The following NSUN5 variants were observed in gnomAD, a reference collection of about 807,000 sequenced individuals.
NSUN5 encodes 28S rRNA (cytosine-C(5))-methyltransferase.
In NSUN5, 39 loss-of-function variants were observed where a neutral mutation model predicts 51.1. The observed-to-expected ratio is 0.76, with a 90% confidence interval of 0.59 to 1.00. The LOEUF (loss-of-function observed/expected upper bound fraction) is 1.00, where lower values mean the gene tolerates loss of function less well. NSUN5 is among the 50% of genes least tolerant of loss of function. The pLI is 0.00. For synonymous variants in NSUN5, 266 were observed against 271.5 expected, an observed-to-expected ratio of 0.98 and a Z score of 0.20; for missense variants, 526 against 614.0, an observed-to-expected ratio of 0.86 and a Z score of 1.51.
At position 73,308,816 on chromosome 7, in the gene NSUN5, T is replaced by G. The variant is rs781805607; in HGVS notation, c.-26A>C. ...GTTCCCGCGCGCCTTTACGGCTCTGTGGCAAAACGCACCCGGCTCGGCGCC... is the reference window on the plus strand; with the variant it reads ...GTTCCCGCGCGCCTTTACGGCTCTGGGGCAAAACGCACCCGGCTCGGCGCC... On this transcript the variant is annotated 5_prime_UTR_variant, in exon 1 of 10. Coordinates refer to ENST00000438747, the MANE Select transcript of NSUN5 (RefSeq NM_148956.4). 12 of 1,604,762 alleles carry G rather than the reference T, an allele frequency of 7.5e-6. No individual in the cohort carries two copies. The South Asian group carries it at 8.8e-5, about 12-fold the overall frequency.
In NSUN5 at chr7:73,305,088, G is replaced by T; in HGVS notation, c.510C>A (p.Asp170Glu). 1.1e-5 allele frequency: 17 copies of T among 1,610,078 alleles called. No individual in the cohort carries two copies. Among genetic ancestry groups the T allele is most frequent in the Non-Finnish European group, 1.4e-5 (16 of 1,177,620 alleles). The change falls in exon 5 of 10, where the codon GAC becomes GAA. Residue 170 changes from aspartate (D) to glutamate (E), a missense_variant. Coordinates refer to ENST00000438747, the MANE Select transcript of NSUN5 (RefSeq NM_148956.4). Reference protein sequence around the residue: ...SYQGRASSLDDLRALKGKHFL... With the variant: ...SYQGRASSLDELRALKGKHFL... ...AATGCTTCCCCTTGAGGGCTCGTAA[G>T]TCATCGAGGCTGCCAGGGAAGAACC...
chr7:73,308,797 G>C lies in NSUN5; in HGVS notation c.-7C>G, dbSNP rs782731164. 5.0e-6 allele frequency: 8 copies of C among 1,612,464 alleles called. No individual in the cohort carries two copies. The highest frequency in any genetic ancestry group is 6.8e-6 in the Non-Finnish European group (8 of 1,179,308). ...CTGCAGCATACAGCCCCATGTTCCCGCGCGCCTTTACGGCTCTGTGGCAAA... is the reference window on the plus strand; with the variant it reads ...CTGCAGCATACAGCCCCATGTTCCCCCGCGCCTTTACGGCTCTGTGGCAAA... On this transcript the variant is annotated 5_prime_UTR_variant, in exon 1 of 10. Coordinates refer to ENST00000438747, the MANE Select transcript of NSUN5 (RefSeq NM_148956.4).
chr7:73,308,770 A>C lies in NSUN5; in HGVS notation c.21T>G (p.Ala7=), dbSNP rs1554542413. Residue 7 remains alanine, a synonymous_variant, in exon 1 of 10, where the codon GCT becomes GCG. Transcript: ENST00000438747. MGLYAA[A]AGVLAGVESR... The stretch of plus-strand genomic sequence containing the variant: ...TCTCCACGCCGGCCAACACGCCTGC[A>C]GCTGCAGCATACAGCCCCATGTTCC... 1.9e-6 allele frequency: 3 copies of C among 1,613,068 alleles called. No homozygotes were observed. The highest frequency in any genetic ancestry group is 1.7e-5 in the Admixed American group (1 of 60,022).
intron 2 of NSUN5, 65 bp downstream of exon 2, chr7:73,308,366 G>A: frequency 3.9e-6 from 6 of 1,533,766 alleles, no homozygotes; most frequent in Non-Finnish European, 5.3e-6. Context: ...CGGCAGCAGA[G>A]CTGAGACCAG....
At chr7:73,307,299 G>A (rs1554541928) in intron 4 of NSUN5, 95 bp downstream of exon 4, 3 of 878,786 alleles carry the variant, frequency 3.4e-6, no homozygotes, top group East Asian at 4.9e-5. Flanking sequence ...TAGGAAGAAA[G>A]CCCAGAGAGC....
intron 4 of NSUN5, among the ~76,000 whole-genome samples, chr7:73,306,241 G>T (rs1388044773): frequency 6.6e-6 from 1 of 151,684 alleles, no homozygotes; most frequent in Non-Finnish European, 1.5e-5. Context: ...AAAATTAGCC[G>T]GGCGTGGTGC....
intron 4 of NSUN5, among the ~76,000 whole-genome samples, chr7:73,305,375 A>G (rs1803997922): frequency 6.6e-6 from 1 of 152,206 alleles, no homozygotes; most frequent in South Asian, 2.1e-4. Flanking sequence ...TGGGGATTCA[A>G]TGAGCCAATA....
chr7:73,304,640 G>A, intron 6 of NSUN5, 107 bp downstream of exon 6: 1 of 1,039,532 alleles, frequency 9.6e-7, no homozygotes, highest in Non-Finnish European at 1.5e-6. Context: ...GAACTGCTTT[G>A]GTGCAGCAAG....
At chr7:73,308,655 T>C (rs1563293703) in intron 1 of NSUN5, 43 bp downstream of exon 1, 1 of 592,012 alleles carries the variant, frequency 1.7e-6, no homozygotes, top group East Asian at 6.5e-5. Flanking sequence ...CCACCCCGGG[T>C]TCCTCACTCC....
Position 73,303,725 on chromosome 7 carries a change from C to A in NSUN5, c.1161G>T (p.Leu387=), listed in dbSNP as rs1554541173. The part of the protein sequence containing the change: ...NPGAFRLAPA[L]PAWPHRGLST... ...TCAGGCCTCGGTGGGGCCAGGCAGG[C>A]AGGGCGGGAGCTAGCCTGCAAGAGA... The change falls in exon 9 of 10, where the codon CTG becomes CTT. Residue 387 remains leucine, a synonymous_variant. Coordinates refer to ENST00000438747, the MANE Select transcript of NSUN5 (RefSeq NM_148956.4). The A allele has an allele frequency of 6.2e-7, 1 of 1,613,952 alleles. No individual in the cohort carries two copies. The highest frequency in any genetic ancestry group is 8.5e-7 in the Non-Finnish European group (1 of 1,179,992).
chr7:73,307,886 G>T, intron 2 of NSUN5, 129 bp from the exon 3 acceptor site: 1 of 830,552 alleles, frequency 1.2e-6, no homozygotes, highest in Non-Finnish European at 1.9e-6. Context: ...ATACAGGTGG[G>T]ATACCTTATC....
In NSUN5 at chr7:73,308,781, A is replaced by G; in HGVS notation, c.10T>C (p.Tyr4His). The change falls in exon 1 of 10, where the codon TAT becomes CAT. Residue 4 changes from tyrosine (Y) to histidine (H), a missense_variant. Tyr to His is a moderately conservative substitution (Grantham distance 83). Transcript: ENST00000438747. ...GCCAACACGCCTGCAGCTGCAGCAT[A>G]CAGCCCCATGTTCCCGCGCGCCTTT... is the stretch of plus-strand genomic sequence containing the variant. MGL[Y>H]AAAAGVLAGV... is the part of the protein sequence containing the mutation. 3 of 1,613,086 alleles carry G rather than the reference A, an allele frequency of 1.9e-6. No homozygotes were observed. Among genetic ancestry groups the G allele is most frequent in the South Asian group, 1.1e-5 (1 of 91,042 alleles).
chr7:73,303,455 T>G lies in NSUN5; in HGVS notation c.1361A>C (p.Gln454Pro), dbSNP rs782341596. ...TGTGCAAGCACCGGCTGCGGCTCTT[T>G]GCTGTCTCTTCTTTCTCTTTGGGGC... Reference protein sequence around the residue: ...SPAPKRKKRQQRAAAGACTPP... With the variant: ...SPAPKRKKRQPRAAAGACTPP... Residue 454 changes from glutamine (Q) to proline (P), a missense_variant, in exon 10 of 10, where the codon CAA becomes CCA. Gln to Pro is a moderately conservative substitution (Grantham distance 76, BLOSUM62 -1). Transcript: ENST00000438747. 44 of 1,614,088 alleles carry G rather than the reference T, an allele frequency of 2.7e-5. 1 individual carries two copies. The South Asian group carries it at 4.4e-4, about 16-fold the overall frequency.
In NSUN5 at chr7:73,303,857, C is replaced by G; in HGVS notation, c.1114G>C (p.Asp372His). 1.9e-6 allele frequency: 3 copies of G among 1,613,904 alleles called. No homozygotes were observed. Among genetic ancestry groups the G allele is most frequent in the African/African-American group, 2.7e-5 (2 of 75,050 alleles). Reference protein sequence around the residue: ...CQEENEDVVRDALQQNPGAFR... With the variant: ...CQEENEDVVRHALQQNPGAFR... The stretch of plus-strand genomic sequence containing the variant: ...GCGCCCGGGTTCTGCTGCAGCGCAT[C>G]TCGCACCACGTCTTCATTCTCCTCC... The change falls in exon 8 of 10, where the codon GAT becomes CAT. Residue 372 changes from aspartate to histidine, a missense_variant. By Grantham distance (81) the Asp-to-His change is moderately conservative (BLOSUM62 -1). Coordinates refer to ENST00000438747, the MANE Select transcript of NSUN5 (RefSeq NM_148956.4).
At chr7:73,308,238 A>C in intron 2 of NSUN5, 193 bp downstream of exon 2, 1 of 722,364 alleles carries the variant, frequency 1.4e-6, no homozygotes, top group African/African-American at 1.8e-5. Flanking sequence ...TACTTCGGTT[A>C]TTTAATCCTT....
At chr7:73,307,150 T>C (rs1804071928) in intron 4 of NSUN5, among the ~76,000 whole-genome samples, 3 of 152,026 alleles carry the variant, frequency 2.0e-5, no homozygotes, top group Admixed American at 6.6e-5. Context: ...GTGGTGAGAA[T>C]CACCAGGTGG....
intron 4 of NSUN5, among the ~76,000 whole-genome samples, chr7:73,306,556 TA>T (rs1554541850): frequency 6.6e-6 from 1 of 151,880 alleles, no homozygotes; most frequent in African/African-American, 2.4e-5. Flanking sequence ...AATGAGTGCT[TA>T]ACCTAGGCAG....
intron 4 of NSUN5, among the ~76,000 whole-genome samples, chr7:73,305,565 C>T (rs779853504): frequency 2.7e-5 from 4 of 150,780 alleles, no homozygotes; most frequent in Non-Finnish European, 5.9e-5. Flanking sequence ...CCCGGGTTCA[C>T]GCCATTCTCC....
In NSUN5 at chr7:73,303,272, C is replaced by T. The variant is rs186435894; in HGVS notation, c.*143G>A. ...TTATTTTTGCAGGCAACACTTTGCT[C>T]ACCAGCAAGAACACAGCCCAAGGAA... On this transcript the variant is annotated 3_prime_UTR_variant, in exon 10 of 10. Coordinates refer to ENST00000438747, the MANE Select transcript of NSUN5 (RefSeq NM_148956.4). 6 of 1,606,666 alleles carry T rather than the reference C, an allele frequency of 3.7e-6. No individual in the cohort carries two copies. In the African/African-American group the frequency reaches 5.4e-5, roughly 14 times the overall value.
Sources: gnomAD v4.1 joint callset for allele counts (sites outside exome capture counted in the v4.1 genomes callset) on GRCh38, gnomAD v4.1.1 for gene constraint, MANE v1.5 for transcripts, NCBI Gene and HGNC (gene_info 2026-07-23, HGNC 2026-07-21) for gene names.